Variants in PDE4D observed in about 807,000 individuals in gnomAD.
PDE4D encodes the protein phosphodiesterase 4D.
PDE4D carries 24 observed loss-of-function variants against 87.4 expected under a neutral mutation model. The observed-to-expected ratio is 0.27, with a 90% confidence interval of 0.20 to 0.39. The LOEUF is 0.39. Among genes scored for constraint, PDE4D ranks in the 10% least tolerant of loss-of-function variants. The pLI is 1.00. For missense variants in PDE4D, 714 were observed against 1,041.0 expected, an observed-to-expected ratio of 0.69 and a Z score of 4.32; for synonymous variants, 384 against 383.2, an observed-to-expected ratio of 1.00 and a Z score of -0.02.
chr5:60,081,055 G>A (rs1773871579), intron 2 of PDE4D, among the ~76,000 whole-genome samples: 1 of 152,136 alleles, frequency 6.6e-6, no homozygotes, highest in South Asian at 2.1e-4. Flanking sequence ...CTCCATTTTA[G>A]AGACTGTTAT....
At chr5:60,109,233 T>C (rs1332685153) in intron 2 of PDE4D, among the ~76,000 whole-genome samples, 1 of 152,132 alleles carries the variant, frequency 6.6e-6, no homozygotes, top group Non-Finnish European at 1.5e-5. Context: ...AAGAAGACAT[T>C]TATGCAGCCA....
chr5:59,430,538 G>A, intron 1 of PDE4D: 1 of 718,568 alleles, frequency 1.4e-6, no homozygotes, highest in Non-Finnish European at 1.9e-6. Context: ...TGGTTGCCCG[G>A]TGCTTCTTTG....
chr5:60,157,052 C>T (rs76774270), intron 2 of PDE4D, among the ~76,000 whole-genome samples: 4,400 of 152,138 alleles, frequency 0.029, 213 homozygotes, highest in African/African-American at 0.1. Context: ...AGTATAGAAA[C>T]ATTTTTAAAG....
intron 1 of PDE4D, among the ~76,000 whole-genome samples, chr5:59,719,176 G>A (rs541868339): frequency 7.2e-5 from 11 of 151,924 alleles, no homozygotes; most frequent in African/African-American, 2.4e-4. Flanking sequence ...CCATTGGTAT[G>A]CTGGTAAATA....
At chr5:59,179,210 G>A (rs549926285) in intron 5 of PDE4D, among the ~76,000 whole-genome samples, 46 of 152,188 alleles carry the variant, frequency 3.0e-4, no homozygotes, top group South Asian at 2.9e-3. Flanking sequence ...GGGTTCAAGC[G>A]ATTCTCCTGC....
At chr5:59,142,685 C>T (rs1438712522) in intron 5 of PDE4D, among the ~76,000 whole-genome samples, 2 of 152,138 alleles carry the variant, frequency 1.3e-5, no homozygotes, top group East Asian at 3.9e-4. Flanking sequence ...GCCTGTAATC[C>T]CAGCACTTTG....
At chr5:59,268,339 C>T (rs951625592) in intron 1 of PDE4D, among the ~76,000 whole-genome samples, 5 of 152,028 alleles carry the variant, frequency 3.3e-5, no homozygotes, top group Non-Finnish European at 5.9e-5. Flanking sequence ...TTTTGAAATG[C>T]TTTCTAATTT....
At chr5:59,512,373 C>G (rs1434786026) in intron 1 of PDE4D, among the ~76,000 whole-genome samples, 1 of 152,154 alleles carries the variant, frequency 6.6e-6, no homozygotes, top group Admixed American at 6.5e-5. Flanking sequence ...TGCAGAATCA[C>G]TGATCAATCA....
rs187983356 is a variant in PDE4D, at chr5:60,120,834, A to G, written c.42+64723T>C. 1.9e-3 allele frequency among the ~76,000 whole-genome samples: 286 copies of G among 152,202 alleles called. 2 individuals are homozygous for G. Among genetic ancestry groups the G allele is most frequent in the African/African-American group, 6.3e-3 (261 of 41,526 alleles). On this transcript the variant is annotated intron_variant, in intron 2 of 16. Coordinates refer to the PDE4D transcript ENST00000502484. The stretch of plus-strand genomic sequence containing the variant: ...TAACACTGAGTGTCAACTTGATTAG[A>G]TTGAAGGATGCAAAGTATTGATCCT...
intron 3 of PDE4D, among the ~76,000 whole-genome samples, chr5:59,984,271 T>C (rs10044172): frequency 0.015 from 2,302 of 152,140 alleles, 56 homozygotes; most frequent in African/African-American, 0.052. Context: ...AGGAGGAAAA[T>C]ATGAAAAACT....
chr5:59,518,473 G>T (rs528435962), intron 1 of PDE4D, among the ~76,000 whole-genome samples: 2 of 152,036 alleles, frequency 1.3e-5, no homozygotes, highest in Non-Finnish European at 2.9e-5. Context: ...CCAGGAGGAG[G>T]GGGGCAGGAC....
intron 1 of PDE4D, among the ~76,000 whole-genome samples, chr5:60,320,823 T>C (rs1326792462): frequency 6.6e-6 from 1 of 151,968 alleles, no homozygotes; most frequent in African/African-American, 2.4e-5. Context: ...ATAAATAAAA[T>C]ACTTAGGAAT....
chr5:59,556,384 A>C (rs1435300710), intron 1 of PDE4D, among the ~76,000 whole-genome samples: 2 of 152,168 alleles, frequency 1.3e-5, no homozygotes, highest in Non-Finnish European at 2.9e-5. Flanking sequence ...AGCAACCCTA[A>C]GAGACACACA....
chr5:58,999,900 C>T (rs760048056), intron 6 of PDE4D: 20 of 986,080 alleles, frequency 2.0e-5, no homozygotes, highest in Non-Finnish European at 2.4e-5. Context: ...GCAAGAAAGG[C>T]TAGTCCTGTC....
At chr5:59,792,754 T>C (rs1242878762) in intron 1 of PDE4D, among the ~76,000 whole-genome samples, 1 of 152,002 alleles carries the variant, frequency 6.6e-6, no homozygotes, top group African/African-American at 2.4e-5. Context: ...GTAAACTAAT[T>C]GACTGGGGAA....
At chr5:59,903,133 G>A (rs1224774838) in intron 3 of PDE4D, among the ~76,000 whole-genome samples, 1 of 152,106 alleles carries the variant, frequency 6.6e-6, no homozygotes, top group African/African-American at 2.4e-5. Flanking sequence ...TGGATATGCA[G>A]AAACTTTTCT....
intron 1 of PDE4D, among the ~76,000 whole-genome samples, chr5:59,843,414 C>A (rs908405674): frequency 6.6e-6 from 1 of 151,956 alleles, no homozygotes; most frequent in Non-Finnish European, 1.5e-5. Flanking sequence ...AAAAAAAAAT[C>A]ATCTCTATCC....
intron 2 of PDE4D, among the ~76,000 whole-genome samples, chr5:60,065,886 T>TCA: frequency 6.6e-6 from 1 of 152,138 alleles, no homozygotes; most frequent in African/African-American, 2.4e-5. Flanking sequence ...ATAGTGCAGC[T>TCA]ATAAACATAC....
chr5:59,014,213 A>G (rs1561305208), intron 6 of PDE4D, among the ~76,000 whole-genome samples: 1 of 152,178 alleles, frequency 6.6e-6, no homozygotes, highest in Non-Finnish European at 1.5e-5. Flanking sequence ...AAAAACTGGA[A>G]GCATTCCCTT....
Sources: allele counts gnomAD v4.1 joint callset (sites outside exome capture counted in the v4.1 genomes callset), GRCh38; gene constraint gnomAD v4.1.1; transcripts MANE v1.5; gene names NCBI Gene and HGNC (gene_info 2026-07-23, HGNC 2026-07-21).